The following CTNNA3 variants were observed in gnomAD, a reference collection of about 807,000 sequenced individuals.
CTNNA3 encodes the protein catenin alpha-3.
A neutral mutation model predicts 95.7 loss-of-function variants in CTNNA3; 76 were observed. The observed-to-expected ratio is 0.79, with a 90% CI of 0.66 to 0.96. The LOEUF (loss-of-function observed/expected upper bound fraction) is 0.96. Ranked by LOEUF, CTNNA3 falls within the 40% of genes least tolerant of loss-of-function variation. The pLI, the probability that CTNNA3 is intolerant of heterozygous loss-of-function variation, is 0.00. For synonymous variants in CTNNA3, 431 were observed against 374.4 expected, an observed-to-expected ratio of 1.15 and a Z score of -1.74; for missense variants, 1,191 against 1,089.8, an observed-to-expected ratio of 1.09 and a Z score of -1.31.
At chr10:67,698,921 T>G (rs1015247734), upstream of CTNNA3, among the ~76,000 whole-genome samples, 2 of 152,054 alleles carry the variant, frequency 1.3e-5, no homozygotes, top group African/African-American at 4.8e-5. Flanking sequence ...CTCTCCTGCC[T>G]CACTAAGAAG....
intron 1 of CTNNA3, among the ~76,000 whole-genome samples, chr10:67,691,799 A>G (rs1202401363): frequency 2.4e-4 from 28 of 116,620 alleles, no homozygotes; most frequent in South Asian, 6.6e-4. Context: ...CGCCCCGTCC[A>G]GGAGGTGAGG....
intron 2 of CTNNA3, among the ~76,000 whole-genome samples, chr10:67,639,447 T>C (rs533091347): frequency 8.5e-5 from 13 of 152,280 alleles, no homozygotes; most frequent in Non-Finnish European, 1.5e-4. Context: ...GCTGGTACCA[T>C]TCCTTCTGAA....
intron 5 of CTNNA3, among the ~76,000 whole-genome samples, chr10:67,228,066 C>CA (rs1278942761): frequency 6.6e-6 from 1 of 151,956 alleles, no homozygotes; most frequent in Non-Finnish European, 1.5e-5. Flanking sequence ...ACACCTACAC[C>CA]AAAAAGACTG....
Position 67,383,723 on chromosome 10 carries a change from GTAGA to G in CTNNA3, c.579+138115_579+138118del, listed in dbSNP as rs1844036116. Among the ~76,000 whole-genome samples, 5 of 152,242 alleles carry G rather than the reference GTAGA, an allele frequency of 3.3e-5. No individual in the cohort carries two copies. The South Asian group carries it at 1.0e-3, about 32-fold the overall frequency. ...ATAAATTTAAATATAGAATGAGTCAGTAGATATAATATTGAGTTTCTATTATATG... is the reference window on the plus strand; with the variant it reads ...ATAAATTTAAATATAGAATGAGTCAGTATAATATTGAGTTTCTATTATATG... On this transcript the variant is annotated intron_variant, in intron 5 of 17. Transcript: ENST00000433211.
intron 7 of CTNNA3, among the ~76,000 whole-genome samples, chr10:66,790,342 G>A (rs1840921095): frequency 1.3e-5 from 2 of 151,960 alleles, no homozygotes; most frequent in African/African-American, 2.4e-5. Context: ...CCAGCTACTC[G>A]GGAGACTGAG....
intron 9 of CTNNA3, among the ~76,000 whole-genome samples, chr10:66,678,276 C>T (rs959653760): frequency 6.6e-5 from 10 of 152,146 alleles, no homozygotes; most frequent in African/African-American, 2.2e-4. Context: ...TTTGTGCTCT[C>T]ATAATTATCC....
At chr10:66,641,643 T>C (rs931020895) in intron 9 of CTNNA3, among the ~76,000 whole-genome samples, 3 of 152,180 alleles carry the variant, frequency 2.0e-5, no homozygotes, top group Non-Finnish European at 4.4e-5. Context: ...ATGTGCTTAC[T>C]GCTCTTTTTC....
At chr10:67,037,519 GATC>G (rs1854136763) in intron 7 of CTNNA3, among the ~76,000 whole-genome samples, 1 of 152,140 alleles carries the variant, frequency 6.6e-6, no homozygotes, top group South Asian at 2.1e-4. Flanking sequence ...GTAGAGGAGT[GATC>G]ATCATATCTG....
At chr10:67,305,838 C>CAGAA (rs1340734814) in intron 5 of CTNNA3, among the ~76,000 whole-genome samples, 4 of 151,830 alleles carry the variant, frequency 2.6e-5, no homozygotes, top group Non-Finnish European at 5.9e-5. Context: ...GGACTGAGCT[C>CAGAA]AGAAAGAAAA....
chr10:66,255,335 A>G (rs559285781), intron 13 of CTNNA3, among the ~76,000 whole-genome samples: 2 of 152,128 alleles, frequency 1.3e-5, no homozygotes, highest in East Asian at 1.9e-4. Context: ...TAAACCCAAC[A>G]TGGGTTCAAC....
intron 1 of CTNNA3, among the ~76,000 whole-genome samples, chr10:67,721,546 T>C (rs1478397502): frequency 3.9e-5 from 6 of 152,186 alleles, no homozygotes; most frequent in African/African-American, 1.4e-4. Flanking sequence ...TTATTCTAGT[T>C]AGCAATTCCT....
At chr10:66,871,360 A>G in intron 7 of CTNNA3, among the ~76,000 whole-genome samples, 1 of 152,024 alleles carries the variant, frequency 6.6e-6, no homozygotes, top group East Asian at 1.9e-4. Flanking sequence ...GGAGTTCGAG[A>G]CCAGCCTGAC....
At chr10:67,379,824 A>C (rs982437430) in intron 5 of CTNNA3, among the ~76,000 whole-genome samples, 11 of 151,992 alleles carry the variant, frequency 7.2e-5, no homozygotes. Context: ...GATCGAGAGC[A>C]TCCCGGCTAA....
intron 7 of CTNNA3, among the ~76,000 whole-genome samples, chr10:67,022,801 G>A (rs1003170376): frequency 6.6e-6 from 1 of 152,048 alleles, no homozygotes; most frequent in African/African-American, 2.4e-5. Flanking sequence ...AGCCGGGCGT[G>A]GTGGTGCACG....
chr10:66,218,917 A>T (rs973799529), intron 13 of CTNNA3, among the ~76,000 whole-genome samples: 1 of 152,082 alleles, frequency 6.6e-6, no homozygotes, highest in Non-Finnish European at 1.5e-5. Context: ...AAACTTCCAA[A>T]TTTTTCCTGA....
chr10:67,161,418 T>A (rs1009600597), intron 7 of CTNNA3, among the ~76,000 whole-genome samples: 1 of 151,690 alleles, frequency 6.6e-6, no homozygotes, highest in African/African-American at 2.4e-5. Flanking sequence ...TAAAATTACA[T>A]AAAGGGTTCT....
chr10:67,015,338 T>A lies in CTNNA3; in HGVS notation c.1047+164979A>T, dbSNP rs1044894392. 3 of 152,192 alleles carry A rather than the reference T, an allele frequency of 2.0e-5. No homozygotes were observed. The East Asian group carries it at 5.8e-4, about 29-fold the overall frequency. The allele number at this position is 152,192 out of a possible 1,614,324, so 9.4% of individuals were successfully genotyped here. ...TTCTTGAGCTACTGATGTTGACTCA[T>A]CATGTATGTGCATGCACATGAGTTT... On this transcript the variant is annotated intron_variant, in intron 7 of 17. Transcript: ENST00000433211.
intron 5 of CTNNA3, among the ~76,000 whole-genome samples, chr10:67,324,909 A>G (rs1841480953): frequency 6.6e-6 from 1 of 152,084 alleles, no homozygotes; most frequent in Non-Finnish European, 1.5e-5. Flanking sequence ...TTACGGCTCA[A>G]TTTCAGAACT....
At chr10:65,934,286 A>G (rs557545791) in intron 17 of CTNNA3, among the ~76,000 whole-genome samples, 42 of 152,288 alleles carry the variant, frequency 2.8e-4, no homozygotes, top group Middle Eastern at 3.4e-3. Flanking sequence ...GAGGTTCCAC[A>G]TTCTAACCAT....
Sources: gnomAD v4.1 joint callset for allele counts (sites outside exome capture counted in the v4.1 genomes callset) on GRCh38, gnomAD v4.1.1 for gene constraint, MANE v1.5 for transcripts, NCBI Gene and HGNC (gene_info 2026-07-23, HGNC 2026-07-21) for gene names.